Variants in CAMKMT observed in about 807,000 individuals in gnomAD.
The protein encoded by CAMKMT is CaM KMT.
CAMKMT carries 53 observed loss-of-function variants against 48.0 expected under a neutral mutation model. The ratio of observed to expected loss-of-function variants is 1.10; its 90% CI spans 0.89 to 1.39. CAMKMT has a LOEUF of 1.39. CAMKMT is among the 40% of genes most tolerant of loss of function. The pLI is 0.00. For missense variants in CAMKMT, 428 were observed against 402.7 expected (o/e 1.06, Z -0.54); for synonymous variants, 165 against 152.3 (o/e 1.08, Z -0.61).
At chr2:44,756,569 G>A (rs915955275) in intron 9 of CAMKMT, among the ~76,000 whole-genome samples, 10 of 151,786 alleles carry the variant, frequency 6.6e-5, no homozygotes, top group South Asian at 2.1e-4. Flanking sequence ...GTGAAACCCC[G>A]TCTCTACTGA....
chr2:44,632,802 C>T (rs538990543), intron 3 of CAMKMT, among the ~76,000 whole-genome samples: 2 of 152,284 alleles, frequency 1.3e-5, no homozygotes, highest in African/African-American at 4.8e-5. Context: ...AAAGACTAGA[C>T]TGGCCTAGCC....
At chr2:44,503,588 A>G (rs767109367) in intron 3 of CAMKMT, among the ~76,000 whole-genome samples, 3 of 152,158 alleles carry the variant, frequency 2.0e-5, no homozygotes, top group Admixed American at 6.5e-5. Context: ...AAATATTCCT[A>G]TCAGAATTCT....
At chr2:44,459,146 T>G (rs1667726433) in intron 3 of CAMKMT, among the ~76,000 whole-genome samples, 1 of 152,132 alleles carries the variant, frequency 6.6e-6, no homozygotes, top group Non-Finnish European at 1.5e-5. Flanking sequence ...TCAGATTCTC[T>G]CAGAATTATA....
rs80163141 is a variant in CAMKMT at position 44,490,494 on chromosome 2, C to T, written c.376+100189C>T. On this transcript the variant is annotated intron_variant, in intron 3 of 10. Transcript: ENST00000378494. ...TTCACCATGTTGGTCAGGCTGGTCT[C>T]GAACTCCCGACCTCAGGTGATCCAC... 2.6e-5 allele frequency among the ~76,000 whole-genome samples: 4 copies of T among 152,104 alleles called. No homozygotes were observed. In the South Asian group the frequency reaches 6.2e-4, roughly 24 times the overall value.
At chr2:44,459,659 C>G (rs544139416) in intron 3 of CAMKMT, among the ~76,000 whole-genome samples, 2 of 152,294 alleles carry the variant, frequency 1.3e-5, no homozygotes, top group South Asian at 4.1e-4. Context: ...AGTGACTCCC[C>G]CATATCCCCC....
intron 3 of CAMKMT, among the ~76,000 whole-genome samples, chr2:44,507,023 C>G (rs1210383109): frequency 6.6e-6 from 1 of 151,602 alleles, no homozygotes; most frequent in East Asian, 1.9e-4. Flanking sequence ...AAATTCTTAT[C>G]TTCAATATTA....
chr2:44,770,423 T>A (rs1681055052), intron 10 of CAMKMT, among the ~76,000 whole-genome samples: 1 of 152,228 alleles, frequency 6.6e-6, no homozygotes, highest in African/African-American at 2.4e-5. Flanking sequence ...TAACCCATAT[T>A]TACAGAAGAA....
intron 9 of CAMKMT, among the ~76,000 whole-genome samples, chr2:44,763,518 C>G (rs1208214927): frequency 2.0e-5 from 3 of 152,170 alleles, no homozygotes; most frequent in African/African-American, 7.2e-5. Context: ...GTGAATAAAA[C>G]ATTAGAAGAT....
chr2:44,579,406 G>A (rs1669415835), intron 3 of CAMKMT, among the ~76,000 whole-genome samples: 1 of 152,120 alleles, frequency 6.6e-6, no homozygotes, highest in Non-Finnish European at 1.5e-5. Flanking sequence ...AGCACCAAAC[G>A]CTTACCTGTC....
chr2:44,527,213 C>T lies in CAMKMT; in HGVS notation c.376+136908C>T, dbSNP rs1468935165. Among the ~76,000 whole-genome samples the T allele has an allele frequency of 3.4e-5, 5 of 147,484 alleles. No homozygotes were observed. In the East Asian group the frequency reaches 9.8e-4, roughly 29 times the overall value. On this transcript the variant is annotated intron_variant, in intron 3 of 10. Coordinates refer to ENST00000378494, the MANE Select transcript of CAMKMT (RefSeq NM_024766.5). ...GCTCCAGTGATCCTCCCATCTCAGC[C>T]TCCCTAGTAGTAGCTGGGACTACAG...
At chr2:44,465,787 T>C (rs1668081209) in intron 3 of CAMKMT, among the ~76,000 whole-genome samples, 1 of 152,172 alleles carries the variant, frequency 6.6e-6, no homozygotes, top group African/African-American at 2.4e-5. Context: ...TAAATGCTGT[T>C]TATAAGGCAC....
intron 10 of CAMKMT, 25 bp from the exon 11 acceptor site, chr2:44,772,011 T>A (rs1191556970): frequency 6.4e-7 from 1 of 1,557,550 alleles, no homozygotes; most frequent in Non-Finnish European, 8.8e-7. Flanking sequence ...TCCCCTTACC[T>A]TTTTCTTTCT....
intron 3 of CAMKMT, among the ~76,000 whole-genome samples, chr2:44,666,770 C>T (rs1021787906): frequency 8.5e-5 from 13 of 152,196 alleles, no homozygotes; most frequent in East Asian, 5.8e-4. Flanking sequence ...CCGCCATGCC[C>T]GGCTAATTTT....
intron 3 of CAMKMT, among the ~76,000 whole-genome samples, chr2:44,410,906 A>G (rs974945519): frequency 6.6e-6 from 1 of 152,230 alleles, no homozygotes; most frequent in Admixed American, 6.5e-5. Context: ...AATGAAATGT[A>G]TCATTATGTA....
chr2:44,386,353 A>C (rs1249782914), intron 2 of CAMKMT, among the ~76,000 whole-genome samples: 1 of 151,962 alleles, frequency 6.6e-6, no homozygotes, highest in African/African-American at 2.4e-5. Flanking sequence ...CAGTGGTGTC[A>C]TTTGCAGTAT....
intron 3 of CAMKMT, among the ~76,000 whole-genome samples, chr2:44,413,286 T>A (rs1172962314): frequency 6.6e-6 from 1 of 151,668 alleles, no homozygotes; most frequent in East Asian, 1.9e-4. Flanking sequence ...AAATGTAGGG[T>A]CAAATGAAAG....
intron 3 of CAMKMT, among the ~76,000 whole-genome samples, chr2:44,485,697 G>C (rs1669182503): frequency 6.6e-6 from 1 of 152,200 alleles, no homozygotes; most frequent in South Asian, 2.1e-4. Context: ...AACATAGGAA[G>C]GGTACAATAA....
chr2:44,365,767 G>A (rs2104334794), intron 1 of CAMKMT, among the ~76,000 whole-genome samples: 1 of 152,292 alleles, frequency 6.6e-6, no homozygotes, highest in East Asian at 1.9e-4. Flanking sequence ...AGGAGGCAAT[G>A]TAGGGCAGAT....
chr2:44,701,632 C>A (rs1677267079), intron 3 of CAMKMT, among the ~76,000 whole-genome samples: 1 of 152,104 alleles, frequency 6.6e-6, no homozygotes, highest in African/African-American at 2.4e-5. Context: ...ATGTTAATGG[C>A]AAAAACCACA....
Sources: gnomAD v4.1 joint callset for allele counts (sites outside exome capture counted in the v4.1 genomes callset) on GRCh38, gnomAD v4.1.1 for gene constraint, MANE v1.5 for transcripts, NCBI Gene and HGNC (gene_info 2026-07-23, HGNC 2026-07-21) for gene names.